The following DNM2 variants were observed in gnomAD, a reference collection of about 807,000 sequenced individuals.
The protein encoded by DNM2 is dynamin-2.
In DNM2, 15 loss-of-function variants were observed where a neutral mutation model predicts 99.0. The observed-to-expected ratio is 0.15, with a 90% CI of 0.10 to 0.23. The LOEUF (loss-of-function observed/expected upper bound fraction) is 0.23. Ranked by LOEUF, DNM2 falls within the 10% of genes least tolerant of loss-of-function variation. The pLI, the probability that DNM2 is intolerant of heterozygous loss-of-function variation, is 1.00. For missense variants in DNM2, 742 were observed against 1,189.4 expected (o/e 0.62, Z 5.53); for synonymous variants, 525 against 481.2 (o/e 1.09, Z -1.19).
At chr19:10,752,009 G>C (rs139647685) in intron 1 of DNM2, among the ~76,000 whole-genome samples, 114 of 152,272 alleles carry the variant, frequency 7.5e-4, no homozygotes, top group African/African-American at 2.6e-3. Context: ...GGCCGGGGTC[G>C]GGTCATACAA....
intron 1 of DNM2, among the ~76,000 whole-genome samples, chr19:10,732,426 C>G (rs1398225080): frequency 6.6e-6 from 1 of 151,316 alleles, no homozygotes; most frequent in Non-Finnish European, 1.5e-5. Context: ...CGGTGAAACC[C>G]CACCTCTACT....
chr19:10,781,459 A>G (rs2071368525), intron 5 of DNM2: 1 of 83,556 alleles, frequency 1.2e-5, no homozygotes, highest in African/African-American at 4.3e-5. Flanking sequence ...TTGCTTCTCA[A>G]GAGAAACATG....
intron 16 of DNM2, among the ~76,000 whole-genome samples, chr19:10,822,680 G>T (rs537488770): frequency 1.3e-5 from 2 of 151,638 alleles, no homozygotes; most frequent in Non-Finnish European, 2.9e-5. Context: ...TTGTATTTTA[G>T]TATTGACGGG....
intron 5 of DNM2, among the ~76,000 whole-genome samples, chr19:10,777,645 A>T (rs1223114465): frequency 6.6e-6 from 1 of 152,116 alleles, no homozygotes; most frequent in Non-Finnish European, 1.5e-5. Context: ...CCCAAGCTAT[A>T]GTACAGTGGC....
intron 15 of DNM2, among the ~76,000 whole-genome samples, chr19:10,815,255 A>G (rs896171976): frequency 1.3e-5 from 2 of 152,188 alleles, no homozygotes; most frequent in Non-Finnish European, 2.9e-5. Flanking sequence ...CAGCCCAAGA[A>G]GGGAAAGAAG....
chr19:10,796,973 G>T lies in DNM2; in HGVS notation c.1197-407G>T, dbSNP rs2071958068. On this transcript the variant is annotated intron_variant, in intron 9 of 20. Transcript: ENST00000389253. This position sits in a 1 kb window ranked among gnomAD's most constrained non-coding sequence, Gnocchi z 5.6. ...GGGTTGCCAGGGAATTTCTGCTTGA[G>T]CCCCTCTGTTCTTAGTCTGGAAAAG... Among the ~76,000 whole-genome samples the T allele has an allele frequency of 6.6e-6, 1 of 152,056 alleles. No homozygotes were observed. Among genetic ancestry groups the T allele is most frequent in the Non-Finnish European group, 1.5e-5 (1 of 68,008 alleles).
intron 1 of DNM2, among the ~76,000 whole-genome samples, chr19:10,732,244 C>A (rs186734857): frequency 6.8e-6 from 1 of 147,336 alleles, no homozygotes; most frequent in African/African-American, 2.5e-5. Context: ...TGAGCCACCG[C>A]GCCCTTAAAC....
intron 8 of DNM2, among the ~76,000 whole-genome samples, chr19:10,794,746 AAAAAAAAC>A (rs960982517): frequency 4.4e-4 from 67 of 151,876 alleles, no homozygotes; most frequent in African/African-American, 1.5e-3. Flanking sequence ...CCCTATCTCA[AAAAAAAAC>A]AAAAAAAACA....
rs1011247947 is a variant in DNM2 at position 10,735,680 on chromosome 19, AT to A, written c.161+17288del. On this transcript the variant is annotated intron_variant, in intron 1 of 20. Transcript: ENST00000389253. ...AGGCGCCCACCACCACGCCCGGCTAATTTTTTTTTTTCAAGAGATGGGGTCT... is the reference window on the plus strand; with the variant it reads ...AGGCGCCCACCACCACGCCCGGCTAATTTTTTTTTTCAAGAGATGGGGTCT... 2.5e-3 allele frequency among the ~76,000 whole-genome samples: 362 copies of A among 146,208 alleles called. 3 individuals are homozygous for A. Among genetic ancestry groups the A allele is most frequent in the African/African-American group, 8.0e-3 (318 of 39,950 alleles).
chr19:10,799,534 G>GTTTTTTTT (rs897961120), intron 11 of DNM2, among the ~76,000 whole-genome samples: 3 of 106,498 alleles, frequency 2.8e-5, no homozygotes, highest in Admixed American at 9.8e-5. Flanking sequence ...GTGGTTTTTT[G>GTTTTTTTT]TTTTTTTTTT....
intron 6 of DNM2, among the ~76,000 whole-genome samples, chr19:10,785,849 C>G (rs991516603): frequency 2.0e-5 from 3 of 151,826 alleles, no homozygotes; most frequent in African/African-American, 7.3e-5. Flanking sequence ...CTTGCTCTGT[C>G]ACCCAGGCTG....
At chr19:10,810,075 TC>T (rs1205181499) in intron 14 of DNM2, 1 of 152,154 alleles carries the variant, frequency 6.6e-6, no homozygotes. Flanking sequence ...GGCCTCTGGG[TC>T]TCCCATCTGT....
chr19:10,731,298 C>T (rs2069306036), intron 1 of DNM2, among the ~76,000 whole-genome samples: 1 of 152,064 alleles, frequency 6.6e-6, no homozygotes, highest in Non-Finnish European at 1.5e-5. Context: ...GCCGCGCAGC[C>T]AGGATCCTGC....
chr19:10,831,294 C>A lies in DNM2; in HGVS notation c.*247C>A. 2 of 1,282,738 alleles carry A rather than the reference C, an allele frequency of 1.6e-6. No individual in the cohort carries two copies. Among genetic ancestry groups the A allele is most frequent in the Non-Finnish European group, 9.8e-7 (1 of 1,016,082 alleles). The allele number at this position is 1,282,738 out of a possible 1,614,324, so 79.5% of individuals were successfully genotyped here. A position where few individuals can be genotyped will look rare whatever the true frequency, so the allele number is the denominator to read the frequency against. On this transcript the variant is annotated 3_prime_UTR_variant, in exon 21 of 21. Coordinates refer to ENST00000389253, the MANE Select transcript of DNM2 (RefSeq NM_001005361.3). The surrounding 1 kb of genome is among the most constrained non-coding windows in gnomAD (Gnocchi z 4.3). ...TGTTGCACTTTGGGGGATGGAGTCTCAGGGTGGCAGAGGGGGGACCAGAAC... is the reference window on the plus strand; with the variant it reads ...TGTTGCACTTTGGGGGATGGAGTCTAAGGGTGGCAGAGGGGGGACCAGAAC...
rs1555706470 is a variant in DNM2, at chr19:10,777,226, TG to T, written c.688+15del. The stretch of plus-strand genomic sequence containing the variant: ...CTCCCGTTGAGAAGAGGTGTGGCTT[TG>T]GGGGTGCTGGGGAAGCAGGAGGATG... On this transcript the variant is annotated intron_variant, in intron 5 of 20. Coordinates refer to ENST00000389253, the MANE Select transcript of DNM2 (RefSeq NM_001005361.3). The T allele has an allele frequency of 6.2e-7, 1 of 1,613,856 alleles. No homozygotes were observed. The highest frequency in any genetic ancestry group is 8.5e-7 in the Non-Finnish European group (1 of 1,179,830).
intron 1 of DNM2, among the ~76,000 whole-genome samples, chr19:10,719,551 CAAAT>C (rs1308123471): frequency 2.6e-5 from 4 of 152,112 alleles, no homozygotes; most frequent in Non-Finnish European, 5.9e-5. Context: ...ATTCAGGAAG[CAAAT>C]GAATGAGAAC....
chr19:10,759,601 C>G, intron 1 of DNM2, 137 bp from the exon 2 acceptor site: 1 of 1,000,906 alleles, frequency 1.0e-6, no homozygotes, highest in South Asian at 1.3e-5. Context: ...GAGCATTCCC[C>G]AGGGCCCAGC....
At chr19:10,719,872 G>A (rs936706374) in intron 1 of DNM2, among the ~76,000 whole-genome samples, 1 of 152,192 alleles carries the variant, frequency 6.6e-6, no homozygotes, top group African/African-American at 2.4e-5. Flanking sequence ...CTAGGCTGGC[G>A]TAAGGCCTTG....
At position 10,831,452 on chromosome 19, in the gene DNM2, G is replaced by C. The variant is rs2073346147; in HGVS notation, c.*405G>C. The C allele has an allele frequency of 3.0e-6, 3 of 1,004,236 alleles. No individual in the cohort carries two copies. Among genetic ancestry groups the C allele is most frequent in the African/African-American group, 1.7e-5 (1 of 57,766 alleles). The allele number at this position is 1,004,236 out of a possible 1,614,324, so 62.2% of individuals were successfully genotyped here. The stretch of plus-strand genomic sequence containing the variant: ...AAGGGCGCCTACATCCCCAGGCCTT[G>C]CTGGGGTGCAGGGGTATATCAACTT... On this transcript the variant is annotated 3_prime_UTR_variant, in exon 21 of 21. Coordinates refer to ENST00000389253, the MANE Select transcript of DNM2 (RefSeq NM_001005361.3). The surrounding 1 kb of genome is among the most constrained non-coding windows in gnomAD (Gnocchi z 4.3).
Sources: gnomAD v4.1 joint callset for allele counts (sites outside exome capture counted in the v4.1 genomes callset) on GRCh38, gnomAD v4.1.1 for gene constraint, Gnocchi (gnomAD v3.1) non-coding constraint, MANE v1.5 for transcripts, NCBI Gene and HGNC (gene_info 2026-07-23, HGNC 2026-07-21) for gene names.